DBT: variants seen among roughly 807,000 people sequenced by gnomAD.
DBT encodes the protein dihydrolipoamide branched chain transacylase E2.
DBT carries 40 observed loss-of-function variants against 51.3 expected under a neutral mutation model. The observed-to-expected ratio is 0.78, with a 90% CI of 0.61 to 1.02. The LOEUF (loss-of-function observed/expected upper bound fraction) is 1.02, where lower values mean the gene tolerates loss of function less well. DBT is among the 50% of genes least tolerant of loss of function. The pLI is 0.00. For synonymous variants in DBT, 181 were observed against 190.4 expected (o/e 0.95, Z 0.41); for missense variants, 510 against 580.2 (o/e 0.88, Z 1.24).
At chr1:100,210,153 A>G (rs1662044787) in intron 8 of DBT, among the ~76,000 whole-genome samples, 1 of 151,718 alleles carries the variant, frequency 6.6e-6, no homozygotes. Flanking sequence ...TCTACAAAAA[A>G]TTTAAAAATT....
intron 8 of DBT, among the ~76,000 whole-genome samples, chr1:100,208,369 C>T (rs1418257458): frequency 2.0e-5 from 3 of 152,050 alleles, no homozygotes; most frequent in Admixed American, 6.5e-5. Context: ...TTTCAGGTAA[C>T]GGATACTTAA....
intron 5 of DBT, among the ~76,000 whole-genome samples, chr1:100,216,934 G>T (rs896829765): frequency 1.3e-5 from 2 of 152,094 alleles, no homozygotes; most frequent in Non-Finnish European, 2.9e-5. Context: ...CATTTCATTT[G>T]TATTAGTGCA....
chr1:100,213,243 G>A, intron 7 of DBT: 2 of 1,177,114 alleles, frequency 1.7e-6, no homozygotes, highest in Non-Finnish European at 1.1e-6. Context: ...GAGCCACCCG[G>A]GGCGTGCGCC....
At chr1:100,210,473 A>G in intron 8 of DBT, 1 of 398,338 alleles carries the variant, frequency 2.5e-6, no homozygotes, top group Non-Finnish European at 4.2e-6. Context: ...TTTAAGCAGG[A>G]AAAAAAAAAG....
At chr1:100,201,536 T>G (rs1053846575) in intron 10 of DBT, among the ~76,000 whole-genome samples, 4 of 151,946 alleles carry the variant, frequency 2.6e-5, no homozygotes, top group East Asian at 3.9e-4. Context: ...AACATTCAAA[T>G]TCAGGAAATA....
chr1:100,210,803 A>C, intron 7 of DBT, 32 bp from the exon 8 acceptor site: 1 of 1,609,930 alleles, frequency 6.2e-7, no homozygotes, highest in Non-Finnish European at 8.5e-7. Flanking sequence ...CAATTTTAGT[A>C]CTTTTAACTT....
chr1:100,213,370 C>A (rs1161314779), intron 7 of DBT: 1 of 1,544,778 alleles, frequency 6.5e-7, no homozygotes, highest in Non-Finnish European at 8.7e-7. Context: ...ACGCGTGAGG[C>A]CCGCACGGCT....
At chr1:100,222,778 C>G (rs1428552968) in intron 4 of DBT, among the ~76,000 whole-genome samples, 2 of 152,132 alleles carry the variant, frequency 1.3e-5, no homozygotes, top group African/African-American at 4.8e-5. Context: ...CCCATGGTAC[C>G]TCTCAGTTAG....
Position 100,196,113 on chromosome 1 carries a change from T to C in DBT, c.*142A>G. On this transcript the variant is annotated 3_prime_UTR_variant, in exon 11 of 11. Coordinates refer to ENST00000370132, the MANE Select transcript of DBT (RefSeq NM_001918.5). ...TTCAGTAAAAAGTCTAATAGAACAGTGACAAATATTGTGCCTTAGATCCTT... is the reference window on the plus strand; with the variant it reads ...TTCAGTAAAAAGTCTAATAGAACAGCGACAAATATTGTGCCTTAGATCCTT... 1.3e-6 allele frequency: 1 copy of C among 769,010 alleles called. No homozygotes were observed. The highest frequency in any genetic ancestry group is 2.2e-6 in the Non-Finnish European group (1 of 452,824). 47.6% of individuals were successfully genotyped at this position (769,010 alleles called of 1,614,324 possible).
intron 4 of DBT, among the ~76,000 whole-genome samples, chr1:100,225,013 G>A (rs1474596936): frequency 3.3e-5 from 3 of 89,714 alleles, no homozygotes; most frequent in African/African-American, 1.5e-4. Flanking sequence ...GTGAGACTCC[G>A]TCTCCCCCCA....
chr1:100,243,359 G>A (rs1365151757), intron 1 of DBT, among the ~76,000 whole-genome samples: 1 of 150,144 alleles, frequency 6.7e-6, no homozygotes, highest in South Asian at 2.1e-4. Flanking sequence ...CTGTCACCCA[G>A]GCTGGAGTGC....
At chr1:100,240,235 G>A (rs1664131308) in intron 2 of DBT, among the ~76,000 whole-genome samples, 1 of 152,164 alleles carries the variant, frequency 6.6e-6, no homozygotes, top group South Asian at 2.1e-4. Flanking sequence ...ACCACAATGT[G>A]TATGCCAACA....
At chr1:100,214,770 C>T (rs987558765) in intron 7 of DBT, 47 bp downstream of exon 7, 9 of 1,594,826 alleles carry the variant, frequency 5.6e-6, no homozygotes, top group Non-Finnish European at 6.0e-6. Flanking sequence ...GACAAACAAA[C>T]AAATAAATGT....
At chr1:100,230,618 A>T in intron 4 of DBT, 115 bp downstream of exon 4, 1 of 610,076 alleles carries the variant, frequency 1.6e-6, no homozygotes, top group Non-Finnish European at 2.7e-6. Flanking sequence ...AGCTAAAAAT[A>T]AATAGGAATA....
At chr1:100,205,600 G>A (rs1661708023) in intron 10 of DBT, among the ~76,000 whole-genome samples, 1 of 152,178 alleles carries the variant, frequency 6.6e-6, no homozygotes, top group Non-Finnish European at 1.5e-5. Flanking sequence ...CCATTACTGA[G>A]TATATACCCA....
intron 10 of DBT, among the ~76,000 whole-genome samples, chr1:100,203,132 A>G (rs1490073806): frequency 2.6e-5 from 4 of 152,184 alleles, no homozygotes; most frequent in Admixed American, 1.3e-4. Flanking sequence ...ACACAAAAAA[A>G]CCCTTCAAAA....
chr1:100,216,452 A>G (rs76189232), intron 5 of DBT, among the ~76,000 whole-genome samples: 18 of 152,134 alleles, frequency 1.2e-4, no homozygotes, highest in Non-Finnish European at 2.4e-4. Flanking sequence ...TTTTAAAAAA[A>G]TTTTTTGTAG....
At chr1:100,241,366 T>TTGTGTGTGTGTGTG (rs58256713) in intron 1 of DBT, among the ~76,000 whole-genome samples, 44 of 144,104 alleles carry the variant, frequency 3.1e-4, no homozygotes, top group African/African-American at 5.2e-4. Context: ...CTGAAAGGTA[T>TTGTGTGTGTGTGTG]TGTGTGTGTG....
chr1:100,192,483 G>C lies in DBT; in HGVS notation c.*3772C>G, dbSNP rs1445459383. On this transcript the variant is annotated 3_prime_UTR_variant, in exon 11 of 11. Transcript: ENST00000370132. The stretch of plus-strand genomic sequence containing the variant: ...AACATTTGTATTCTTGGTACTGTAG[G>C]GCAGTGCTGAGCCCTGTCATTTCTT... The C allele has an allele frequency of 6.6e-6, 1 of 152,160 alleles. No individual in the cohort carries two copies. The highest frequency in any genetic ancestry group is 1.5e-5 in the Non-Finnish European group (1 of 68,026). 9.4% of individuals were successfully genotyped at this position (152,160 alleles called of 1,614,324 possible). A position where few individuals can be genotyped will look rare whatever the true frequency, so the allele number is the denominator to read the frequency against.
Sources: gnomAD v4.1 joint callset for allele counts (sites outside exome capture counted in the v4.1 genomes callset) on GRCh38, gnomAD v4.1.1 for gene constraint, MANE v1.5 for transcripts, NCBI Gene and HGNC (gene_info 2026-07-23, HGNC 2026-07-21) for gene names.